The following RIMS1 variants were observed in gnomAD, a reference collection of about 807,000 sequenced individuals.
RIMS1 encodes the protein regulating synaptic membrane exocytosis protein 1.
In RIMS1, 83 loss-of-function variants were observed where a neutral mutation model predicts 214.1. The ratio of observed to expected loss-of-function variants is 0.39; its 90% CI spans 0.32 to 0.47. RIMS1 has a LOEUF of 0.47. Ranked by LOEUF, RIMS1 falls within the 20% of genes least tolerant of loss-of-function variation. RIMS1 has a pLI of 0.99. For synonymous variants in RIMS1, 793 were observed against 786.8 expected, an observed-to-expected ratio of 1.01 and a Z score of -0.13; for missense variants, 2,050 against 2,161.8, an observed-to-expected ratio of 0.95 and a Z score of 1.03.
At chr6:72,036,885 G>A (rs1445858318) in intron 2 of RIMS1, among the ~76,000 whole-genome samples, 1 of 152,130 alleles carries the variant, frequency 6.6e-6, no homozygotes, top group Admixed American at 6.6e-5. Context: ...ATGCTATAGT[G>A]GGAGGTATAA....
chr6:72,010,930 T>A (rs1810285369), intron 2 of RIMS1, among the ~76,000 whole-genome samples: 1 of 152,116 alleles, frequency 6.6e-6, no homozygotes, highest in African/African-American at 2.4e-5. Context: ...TTCAATGCCA[T>A]CCCCATCAAG....
At chr6:71,934,463 T>C (rs1201067866) in intron 1 of RIMS1, among the ~76,000 whole-genome samples, 1 of 152,218 alleles carries the variant, frequency 6.6e-6, no homozygotes, top group African/African-American at 2.4e-5. Flanking sequence ...TAACTTCTAA[T>C]GCTGTTACAC....
At chr6:72,093,425 T>G (rs1394493111) in intron 2 of RIMS1, among the ~76,000 whole-genome samples, 1 of 151,918 alleles carries the variant, frequency 6.6e-6, no homozygotes, top group Non-Finnish European at 1.5e-5. Flanking sequence ...TAGTAATGCT[T>G]TTAAATTTAA....
chr6:71,957,347 T>C (rs946891988), intron 1 of RIMS1, among the ~76,000 whole-genome samples: 29 of 152,196 alleles, frequency 1.9e-4, no homozygotes, highest in Non-Finnish European at 2.9e-4. Context: ...GAGTGATGTG[T>C]GAAAGTTACA....
intron 6 of RIMS1, among the ~76,000 whole-genome samples, chr6:72,189,838 C>A (rs924246499): frequency 3.9e-5 from 6 of 152,200 alleles, no homozygotes; most frequent in Non-Finnish European, 7.3e-5. Flanking sequence ...AACGAGTGAT[C>A]CTATCCACTT....
At chr6:71,955,779 A>G (rs562214296) in intron 1 of RIMS1, among the ~76,000 whole-genome samples, 21 of 152,118 alleles carry the variant, frequency 1.4e-4, no homozygotes, top group Non-Finnish European at 2.2e-4. Context: ...GATAAAGTTT[A>G]GTATTTAAAT....
chr6:72,039,037 C>T, intron 2 of RIMS1, among the ~76,000 whole-genome samples: 1 of 152,074 alleles, frequency 6.6e-6, no homozygotes, highest in East Asian at 1.9e-4. Context: ...ATTTCACTGA[C>T]AATTCAATAT....
chr6:72,208,718 A>G (rs917425745), intron 6 of RIMS1, among the ~76,000 whole-genome samples: 1 of 152,316 alleles, frequency 6.6e-6, no homozygotes, highest in East Asian at 1.9e-4. Flanking sequence ...TAGGTGAATC[A>G]GGTTTATTAA....
intron 23 of RIMS1, among the ~76,000 whole-genome samples, chr6:72,278,896 A>T (rs2088333749): frequency 6.6e-6 from 1 of 152,032 alleles, no homozygotes; most frequent in Non-Finnish European, 1.5e-5. Flanking sequence ...TTTGCACATT[A>T]AGACAGTATA....
At chr6:71,976,771 T>C (rs1178439473) in intron 2 of RIMS1, among the ~76,000 whole-genome samples, 1 of 152,158 alleles carries the variant, frequency 6.6e-6, no homozygotes, top group Non-Finnish European at 1.5e-5. Flanking sequence ...TTTTTATATA[T>C]GATGTATGTG....
chr6:72,219,463 A>C (rs1260861725), intron 6 of RIMS1, among the ~76,000 whole-genome samples: 1 of 152,158 alleles, frequency 6.6e-6, no homozygotes, highest in Admixed American at 6.5e-5. Flanking sequence ...GTTAATTTAA[A>C]TAAGTTTTAG....
At chr6:72,288,751 A>T (rs1040909692) in intron 24 of RIMS1, among the ~76,000 whole-genome samples, 4 of 152,106 alleles carry the variant, frequency 2.6e-5, no homozygotes, top group Non-Finnish European at 5.9e-5. Context: ...ATAATTCAGC[A>T]TTGCTACCAC....
intron 29 of RIMS1, among the ~76,000 whole-genome samples, chr6:72,340,666 T>G (rs573556206): frequency 1.3e-5 from 2 of 152,140 alleles, no homozygotes; most frequent in Non-Finnish European, 2.9e-5. Context: ...ACCAGTACCA[T>G]GCTATTTTCG....
intron 27 of RIMS1, among the ~76,000 whole-genome samples, chr6:72,309,249 T>C (rs1377891469): frequency 1.3e-5 from 2 of 152,088 alleles, no homozygotes; most frequent in African/African-American, 2.4e-5. Context: ...AAACCACCAC[T>C]AGTAGTCATA....
chr6:72,318,490 C>T (rs1221079338), intron 28 of RIMS1, among the ~76,000 whole-genome samples: 1 of 152,112 alleles, frequency 6.6e-6, no homozygotes, highest in Non-Finnish European at 1.5e-5. Context: ...CTATCCCTCC[C>T]CCATTTGCAT....
chr6:72,137,112 T>A (rs2041413365), intron 4 of RIMS1, among the ~76,000 whole-genome samples: 1 of 152,024 alleles, frequency 6.6e-6, no homozygotes, highest in Non-Finnish European at 1.5e-5. Flanking sequence ...ATTGAGAAAT[T>A]TAGTGAGGTG....
intron 4 of RIMS1, among the ~76,000 whole-genome samples, chr6:72,168,480 G>C (rs1388662162): frequency 6.6e-6 from 1 of 152,142 alleles, no homozygotes; most frequent in African/African-American, 2.4e-5. Flanking sequence ...TTATTAGTTT[G>C]GGGTGGGCTG....
chr6:72,137,309 T>G (rs1457097772), intron 4 of RIMS1, among the ~76,000 whole-genome samples: 1 of 152,112 alleles, frequency 6.6e-6, no homozygotes, highest in Non-Finnish European at 1.5e-5. Context: ...TTTTAGCAAT[T>G]CAGCAGTGTT....
chr6:72,031,481 A>G (rs1818087246), intron 2 of RIMS1, among the ~76,000 whole-genome samples: 1 of 152,144 alleles, frequency 6.6e-6, no homozygotes, highest in South Asian at 2.1e-4. Context: ...TGCAACTGGG[A>G]TTAAAAATAT....
Sources: gnomAD v4.1 joint callset for allele counts (sites outside exome capture counted in the v4.1 genomes callset) on GRCh38, gnomAD v4.1.1 for gene constraint, MANE v1.5 for transcripts, NCBI Gene and HGNC (gene_info 2026-07-23, HGNC 2026-07-21) for gene names.